Variants in CHN2 observed in about 807,000 individuals in gnomAD.
The protein encoded by CHN2 is beta-chimaerin.
A neutral mutation model predicts 56.3 loss-of-function variants in CHN2; 35 were observed. The observed-to-expected ratio is 0.62, with a 90% CI of 0.47 to 0.82. The LOEUF (loss-of-function observed/expected upper bound fraction) is 0.82. Ranked by LOEUF, CHN2 falls within the 40% of genes least tolerant of loss-of-function variation. The pLI is 0.00. For synonymous variants in CHN2, 210 were observed against 212.8 expected, an observed-to-expected ratio of 0.99 and a Z score of 0.12; for missense variants, 491 against 580.5, an observed-to-expected ratio of 0.85 and a Z score of 1.58.
intron 1 of CHN2, among the ~76,000 whole-genome samples, chr7:29,328,681 AAAAG>A (rs1021048391): frequency 6.6e-6 from 1 of 151,932 alleles, no homozygotes; most frequent in Non-Finnish European, 1.5e-5. Context: ...AAAAAAAAAA[AAAAG>A]AAACAGCAGA....
At chr7:29,186,241 TTA>T (rs1204042133) in intron 2 of CHN2, among the ~76,000 whole-genome samples, 3 of 150,202 alleles carry the variant, frequency 2.0e-5, no homozygotes, top group Non-Finnish European at 4.4e-5. Context: ...GCCCCAAAGT[TTA>T]TGTTTTAGGC....
At chr7:29,146,785 A>G (rs761432317) in intron 1 of CHN2, 131 of 1,549,012 alleles carry the variant, frequency 8.5e-5, no homozygotes, top group Non-Finnish European at 5.9e-5. Context: ...TTTGTCTCCC[A>G]GTTTTTAAAA....
chr7:29,353,843 C>A (rs925047343), intron 1 of CHN2, among the ~76,000 whole-genome samples: 4 of 152,118 alleles, frequency 2.6e-5, no homozygotes, highest in Non-Finnish European at 5.9e-5. Flanking sequence ...ATGAGTTAGA[C>A]CGTGTTTTCC....
intron 1 of CHN2, among the ~76,000 whole-genome samples, chr7:29,265,914 T>G (rs760332030): frequency 2.0e-5 from 3 of 152,184 alleles, no homozygotes; most frequent in Non-Finnish European, 4.4e-5. Context: ...GAAGACCCAG[T>G]ACAGTAAGCT....
intron 1 of CHN2, chr7:29,212,672 A>G: frequency 1.4e-6 from 2 of 1,481,460 alleles, no homozygotes; most frequent in Middle Eastern, 1.7e-4. Context: ...CCTCCAGCAG[A>G]TGCAAGAACT....
At chr7:29,249,586 C>G (rs1046700704) in intron 1 of CHN2, among the ~76,000 whole-genome samples, 1 of 152,194 alleles carries the variant, frequency 6.6e-6, no homozygotes, top group Non-Finnish European at 1.5e-5. Context: ...GACACCTAAC[C>G]GTCACAACCC....
At chr7:29,249,852 G>A (rs940511833) in intron 1 of CHN2, among the ~76,000 whole-genome samples, 26 of 152,206 alleles carry the variant, frequency 1.7e-4, no homozygotes, top group African/African-American at 5.8e-4. Flanking sequence ...GAATGGTAGC[G>A]ACATGAATAC....
Position 29,474,205 on chromosome 7 carries a change from T to C in CHN2, c.577-6074T>C, listed in dbSNP as rs1398103604. 2.0e-5 allele frequency among the ~76,000 whole-genome samples: 3 copies of C among 152,356 alleles called. No individual in the cohort carries two copies. In the East Asian group the frequency reaches 5.8e-4, roughly 29 times the overall value. On this transcript the variant is annotated intron_variant, in intron 6 of 12. Coordinates refer to ENST00000222792, the MANE Select transcript of CHN2 (RefSeq NM_004067.4). ...ATACCAGAGGCAAATCTTCTCATCA[T>C]TAAATGTTCTTTTAATTGTCTTTGT...
At chr7:29,415,972 G>T (rs1362167639) in intron 6 of CHN2, among the ~76,000 whole-genome samples, 1 of 152,134 alleles carries the variant, frequency 6.6e-6, no homozygotes, top group Non-Finnish European at 1.5e-5. Flanking sequence ...ATTGTTTTTT[G>T]TAAGTTTTAC....
At chr7:29,384,066 C>G (rs1232815345) in intron 3 of CHN2, among the ~76,000 whole-genome samples, 1 of 152,106 alleles carries the variant, frequency 6.6e-6, no homozygotes, top group Non-Finnish European at 1.5e-5. Context: ...CTAGCTTGGG[C>G]ATTGAGTGGG....
At chr7:29,193,055 A>G (rs948405109), upstream of CHN2, 8 of 152,278 alleles carry the variant, frequency 5.3e-5, no homozygotes, top group African/African-American at 1.9e-4. Context: ...AAAATGAAGG[A>G]TAGTGGTAGG....
chr7:29,308,666 A>T (rs1053246698), intron 1 of CHN2, among the ~76,000 whole-genome samples: 4 of 152,186 alleles, frequency 2.6e-5, no homozygotes, highest in Admixed American at 2.0e-4. Flanking sequence ...CCTGGGCCAC[A>T]TTCCATATGG....
intron 1 of CHN2, among the ~76,000 whole-genome samples, chr7:29,351,831 A>G (rs1293794161): frequency 6.6e-6 from 1 of 152,106 alleles, no homozygotes; most frequent in African/African-American, 2.4e-5. Context: ...GGATGCTTGG[A>G]ATTTATTCCA....
chr7:29,149,781 G>A (rs2128689317), intron 2 of CHN2, among the ~76,000 whole-genome samples: 1 of 152,146 alleles, frequency 6.6e-6, no homozygotes, highest in African/African-American at 2.4e-5. Flanking sequence ...CCCAATCTCT[G>A]CTTCAGCCTT....
At chr7:29,337,250 A>G (rs1796699304) in intron 1 of CHN2, among the ~76,000 whole-genome samples, 2 of 152,212 alleles carry the variant, frequency 1.3e-5, no homozygotes, top group Admixed American at 6.5e-5. Context: ...GAAAATAGAT[A>G]AACAGAGGGT....
In CHN2 at chr7:29,303,475, C is replaced by T. The variant is rs574119492; in HGVS notation, c.50-51150C>T. Among the ~76,000 whole-genome samples the T allele has an allele frequency of 3.9e-5, 6 of 152,278 alleles. No individual in the cohort carries two copies. The South Asian group carries it at 1.2e-3, about 32-fold the overall frequency. On this transcript the variant is annotated intron_variant, in intron 1 of 12. Coordinates refer to ENST00000222792, the MANE Select transcript of CHN2 (RefSeq NM_004067.4). ...TCTACCAGCACAGGCAAGTGCCATG[C>T]CCCCTTCCCTCTTATTTCCCAGTTC...
chr7:29,164,589 T>C (rs1251512693), intron 2 of CHN2, among the ~76,000 whole-genome samples: 1 of 151,874 alleles, frequency 6.6e-6, no homozygotes, highest in Non-Finnish European at 1.5e-5. Flanking sequence ...GAGACCAGCC[T>C]GAGCAACATG....
intron 1 of CHN2, among the ~76,000 whole-genome samples, chr7:29,275,523 T>A (rs1584938918): frequency 6.6e-6 from 1 of 152,180 alleles, no homozygotes; most frequent in African/African-American, 2.4e-5. Context: ...GAATATATAA[T>A]AACCAGGGCA....
intron 7 of CHN2, among the ~76,000 whole-genome samples, chr7:29,486,132 G>C (rs1408963999): frequency 1.3e-5 from 2 of 152,146 alleles, no homozygotes; most frequent in African/African-American, 4.8e-5. Context: ...CTTACCAGAG[G>C]GAAACTCCCG....
Sources: gnomAD v4.1 joint callset for allele counts (sites outside exome capture counted in the v4.1 genomes callset) on GRCh38, gnomAD v4.1.1 for gene constraint, MANE v1.5 for transcripts, NCBI Gene and HGNC (gene_info 2026-07-23, HGNC 2026-07-21) for gene names.